Variants in MGRN1 observed in about 807,000 individuals in gnomAD.
MGRN1 encodes E3 ubiquitin-protein ligase MGRN1.
MGRN1 carries 29 observed loss-of-function variants against 69.2 expected under a neutral mutation model. That is an observed-to-expected ratio of 0.42 (90% confidence interval 0.31 to 0.57). The LOEUF is 0.57. MGRN1 is among the 20% of genes least tolerant of loss of function. The pLI is 0.15. For missense variants in MGRN1, 998 were observed against 796.2 expected (o/e 1.25, Z -3.05); for synonymous variants, 470 against 344.2 (o/e 1.37, Z -4.04).
intron 13 of MGRN1, among the ~76,000 whole-genome samples, chr16:4,682,443 G>A (rs904248935): frequency 3.9e-5 from 6 of 152,338 alleles, no homozygotes; most frequent in South Asian, 2.1e-4. Context: ...CGCGGGTTCT[G>A]CAGGCCCGCC....
chr16:4,637,293 G>A (rs546514478), intron 1 of MGRN1, among the ~76,000 whole-genome samples: 1 of 151,808 alleles, frequency 6.6e-6, no homozygotes, highest in East Asian at 1.9e-4. Flanking sequence ...AGCTGGGCAT[G>A]GTGTTGGGTG....
chr16:4,684,614 C>T (rs1302307877), intron 16 of MGRN1, among the ~76,000 whole-genome samples: 1 of 152,280 alleles, frequency 6.6e-6, no homozygotes, highest in Non-Finnish European at 1.5e-5. Context: ...CTCTTCTCAC[C>T]TTTCCCGGAG....
At chr16:4,675,270 C>A (rs2079031054) in intron 10 of MGRN1, among the ~76,000 whole-genome samples, 1 of 152,012 alleles carries the variant, frequency 6.6e-6, no homozygotes, top group South Asian at 2.1e-4. Flanking sequence ...CAGGGCCCTG[C>A]CTTGTTTTTA....
At chr16:4,665,712 C>T (rs2078788529) in intron 7 of MGRN1, among the ~76,000 whole-genome samples, 1 of 148,866 alleles carries the variant, frequency 6.7e-6, no homozygotes, top group African/African-American at 2.5e-5. Context: ...CCCTGTCATC[C>T]AGGCTGGAGT....
chr16:4,665,177 C>T, intron 7 of MGRN1, 26 bp downstream of exon 7: 1 of 1,613,906 alleles, frequency 6.2e-7, no homozygotes, highest in Non-Finnish European at 8.5e-7. Context: ...CCATCACTTT[C>T]CCGGGGACCT....
intron 16 of MGRN1, chr16:4,686,247 C>G (rs571618155): frequency 7.8e-6 from 12 of 1,542,528 alleles, no homozygotes; most frequent in East Asian, 2.4e-5. Context: ...GTCTCTCCCC[C>G]TCTCCGCGCA....
At chr16:4,679,175 C>T (rs1345115164) in intron 11 of MGRN1, among the ~76,000 whole-genome samples, 1 of 152,164 alleles carries the variant, frequency 6.6e-6, no homozygotes, top group Admixed American at 6.5e-5. Flanking sequence ...AGAAGCAGCC[C>T]CTGAGGGATT....
rs1430845779 is a variant in MGRN1, at chr16:4,631,954, C to T, written c.88+6906C>T. The stretch of plus-strand genomic sequence containing the variant: ...ACCTATTTAAGGCAAGTGATATTTG[C>T]CAATCTATTACTGATATATTGCCTT... On this transcript the variant is annotated intron_variant, in intron 1 of 16. Coordinates refer to ENST00000262370, the MANE Select transcript of MGRN1 (RefSeq NM_015246.4). Among the ~76,000 whole-genome samples, 4 of 146,242 alleles carry T rather than the reference C, an allele frequency of 2.7e-5. No homozygotes were observed. In the South Asian group the frequency reaches 8.5e-4, roughly 31 times the overall value.
intron 1 of MGRN1, among the ~76,000 whole-genome samples, chr16:4,642,448 C>G (rs1275858476): frequency 1.3e-5 from 2 of 149,276 alleles, no homozygotes; most frequent in South Asian, 2.1e-4. Flanking sequence ...CAGGCATGCA[C>G]CACCACGGCC....
At chr16:4,677,378 G>T (rs1197454449) in intron 10 of MGRN1, 85 bp from the exon 11 acceptor site, 7 of 1,017,390 alleles carry the variant, frequency 6.9e-6, no homozygotes, top group Non-Finnish European at 1.4e-6. Context: ...TGGTGTGGGG[G>T]GGGTGTTGAT....
intron 4 of MGRN1, among the ~76,000 whole-genome samples, chr16:4,656,681 G>C (rs1234577008): frequency 6.6e-6 from 1 of 152,144 alleles, no homozygotes; most frequent in Admixed American, 6.5e-5. Context: ...AGGAGTTCGA[G>C]ACCAGCTTGG....
chr16:4,658,158 C>T (rs1004649148), intron 5 of MGRN1, among the ~76,000 whole-genome samples: 1 of 152,268 alleles, frequency 6.6e-6, no homozygotes, highest in East Asian at 1.9e-4. Context: ...GTCCTCCCTC[C>T]TTCCCCCTTT....
At chr16:4,642,353 A>C (rs1389982557) in intron 1 of MGRN1, among the ~76,000 whole-genome samples, 1 of 151,770 alleles carries the variant, frequency 6.6e-6, no homozygotes, top group Non-Finnish European at 1.5e-5. Context: ...GCTGGAGTTC[A>C]ATGGTGTGAT....
chr16:4,633,254 T>C (rs1167904043), intron 1 of MGRN1, among the ~76,000 whole-genome samples: 1 of 151,704 alleles, frequency 6.6e-6, no homozygotes, highest in East Asian at 1.9e-4. Flanking sequence ...CTGGACGTGG[T>C]GGTGGGTGCC....
At chr16:4,683,770 G>T (rs1357585294) in intron 15 of MGRN1, 73 bp from the exon 16 acceptor site, 16 of 1,349,218 alleles carry the variant, frequency 1.2e-5, no homozygotes, top group East Asian at 2.4e-5. Context: ...AAGAGAGACG[G>T]CCTCCTGCCC....
chr16:4,686,788 C>T (rs968504462), intron 16 of MGRN1: 18 of 990,330 alleles, frequency 1.8e-5, no homozygotes, highest in Non-Finnish European at 2.0e-5. Context: ...GGTCCTGCAG[C>T]AGACACGTTA....
At chr16:4,661,362 C>A (rs1025406317) in intron 5 of MGRN1, among the ~76,000 whole-genome samples, 6 of 152,204 alleles carry the variant, frequency 3.9e-5, no homozygotes, top group African/African-American at 9.7e-5. Context: ...CCTTTCGCAC[C>A]CTTTTCTCCT....
Position 4,673,667 on chromosome 16 carries a change from C to G in MGRN1, c.955+10C>G, listed in dbSNP as rs1445058122. 3 of 1,611,790 alleles carry G rather than the reference C, an allele frequency of 1.9e-6. No homozygotes were observed. Among genetic ancestry groups the G allele is most frequent in the South Asian group, 2.2e-5 (2 of 91,016 alleles). ...CCCATCTGCCGGCTGCGTGAGTTCC[C>G]CGGCCGGCTGTTCTGTGGAAGGTTC... On this transcript the variant is annotated intron_variant, in intron 10 of 16. Coordinates refer to ENST00000262370, the MANE Select transcript of MGRN1 (RefSeq NM_015246.4).
intron 9 of MGRN1, among the ~76,000 whole-genome samples, chr16:4,673,183 C>G (rs1031807394): frequency 6.6e-6 from 1 of 152,176 alleles, no homozygotes; most frequent in Non-Finnish European, 1.5e-5. Flanking sequence ...TACCCTGACC[C>G]TCAGGAAGAT....
Sources: allele counts gnomAD v4.1 joint callset (sites outside exome capture counted in the v4.1 genomes callset), GRCh38; gene constraint gnomAD v4.1.1; transcripts MANE v1.5; gene names NCBI Gene and HGNC (gene_info 2026-07-23, HGNC 2026-07-21).